SOX13: variants seen among roughly 807,000 people sequenced by gnomAD.
SOX13 encodes the protein SRY-box transcription factor 13.
A neutral mutation model predicts 71.8 loss-of-function variants in SOX13; 28 were observed. The ratio of observed to expected loss-of-function variants is 0.39; its 90% CI spans 0.29 to 0.53. SOX13 has a LOEUF of 0.53. Ranked by LOEUF, SOX13 falls within the 20% of genes least tolerant of loss-of-function variation. SOX13 has a pLI of 0.70. For synonymous variants in SOX13, 309 were observed against 317.8 expected, an observed-to-expected ratio of 0.97 and a Z score of 0.29; for missense variants, 627 against 810.3, an observed-to-expected ratio of 0.77 and a Z score of 2.75.
At chr1:204,113,229 G>C in intron 2 of SOX13, 95 bp downstream of exon 2, 2 of 1,021,528 alleles carry the variant, frequency 2.0e-6, no homozygotes, top group South Asian at 1.7e-5. Context: ...GATGGCAGCA[G>C]ATACAGGCAG....
chr1:204,124,939 C>A, intron 13 of SOX13, 82 bp downstream of exon 13: 2 of 1,052,174 alleles, frequency 1.9e-6, no homozygotes, highest in Admixed American at 2.0e-5. Context: ...CAGTGTGTGG[C>A]CTGCCTTTGT....
chr1:204,097,704 A>AAG (rs888895620), intron 1 of SOX13, among the ~76,000 whole-genome samples: 2 of 151,584 alleles, frequency 1.3e-5, no homozygotes, highest in African/African-American at 4.8e-5. Flanking sequence ...AAAAAAAAAA[A>AAG]AAAAGAAAAG....
chr1:204,097,175 T>C (rs12075866), intron 1 of SOX13, among the ~76,000 whole-genome samples: 41,577 of 151,704 alleles, frequency 0.27, 6,082 homozygotes, highest in African/African-American at 0.37. Context: ...GTTGGGAGGG[T>C]GGATGTCCCT....
At chr1:204,110,450 G>A (rs1554676) in intron 1 of SOX13, among the ~76,000 whole-genome samples, 47,095 of 151,506 alleles carry the variant, frequency 0.31, 8,786 homozygotes, top group South Asian at 0.46. Flanking sequence ...ACAGGCATGA[G>A]CCCCTGTGCC....
In SOX13 at chr1:204,116,517, G is replaced by A. The variant is rs1488251471; in HGVS notation, c.429G>A (p.Glu143=). The change falls in exon 5 of 14, where the codon GAG becomes GAA. Residue 143 remains glutamate (E), a synonymous_variant. Coordinates refer to ENST00000367204, the MANE Select transcript of SOX13 (RefSeq NM_005686.3). ...TTCACTGTGGAGCAGGGACCCAAGA[G>A]AGCCTAGCAGAGAAGGAGCTCCAGC... ...MEAKDVKGTQ[E]SLAEKELQLL... is the part of the protein sequence containing the mutation. 4 of 1,613,916 alleles carry A rather than the reference G, an allele frequency of 2.5e-6. No homozygotes were observed. The highest frequency in any genetic ancestry group is 3.4e-6 in the Non-Finnish European group (4 of 1,179,804).
At chr1:204,075,075 T>C (rs1040994726) in intron 1 of SOX13, among the ~76,000 whole-genome samples, 9 of 152,202 alleles carry the variant, frequency 5.9e-5, no homozygotes, top group African/African-American at 2.2e-4. Flanking sequence ...CCGGAGTTCA[T>C]GCCTTCCAAA....
At chr1:204,104,657 C>A (rs1656426940) in intron 1 of SOX13, among the ~76,000 whole-genome samples, 1 of 152,212 alleles carries the variant, frequency 6.6e-6, no homozygotes, top group South Asian at 2.1e-4. Context: ...CCACTCAGAG[C>A]AAGCTTGGGA....
chr1:204,080,655 A>T, intron 1 of SOX13, among the ~76,000 whole-genome samples: 1 of 151,928 alleles, frequency 6.6e-6, no homozygotes, highest in East Asian at 1.9e-4. Context: ...CCATCCCCCA[A>T]CAAAGGGGGT....
rs576299002 is a variant in SOX13, at chr1:204,115,476, T to G, written c.418+871T>G. On this transcript the variant is annotated intron_variant, in intron 4 of 13. Transcript: ENST00000367204. ...GGATCCATGAGTGATTCCGATGTTG[T>G]TTTTTTTTTTTTTTTTAAAAAAAAA... is the stretch of plus-strand genomic sequence containing the variant. Among the ~76,000 whole-genome samples, 303 of 40,950 alleles carry G rather than the reference T, an allele frequency of 7.4e-3. 1 individual carries two copies. The highest frequency in any genetic ancestry group is 0.071 in the South Asian group (58 of 818). The allele number at this position is 40,950 out of a possible 152,430, so 26.9% of individuals were successfully genotyped here.
intron 1 of SOX13, among the ~76,000 whole-genome samples, chr1:204,106,571 G>T (rs969146319): frequency 6.7e-6 from 1 of 149,512 alleles, no homozygotes; most frequent in African/African-American, 2.5e-5. Context: ...CCAGGCTGGA[G>T]TGCAGAGGCG....
intron 2 of SOX13, among the ~76,000 whole-genome samples, chr1:204,114,089 C>T (rs79448229): frequency 0.028 from 4,271 of 152,306 alleles, 85 homozygotes; most frequent in Non-Finnish European, 0.042. Context: ...GATCAAGCAT[C>T]GTGTGAGTCA....
At chr1:204,104,204 A>C (rs1656412685) in intron 1 of SOX13, among the ~76,000 whole-genome samples, 1 of 152,072 alleles carries the variant, frequency 6.6e-6, no homozygotes, top group South Asian at 2.1e-4. Flanking sequence ...TGGCCACTCT[A>C]CCAGGTGAAT....
chr1:204,081,486 G>A lies in SOX13; in HGVS notation c.-2+7775G>A, dbSNP rs541183430. Among the ~76,000 whole-genome samples the A allele has an allele frequency of 2.6e-5, 4 of 152,298 alleles. No homozygotes were observed. Among genetic ancestry groups the A allele is most frequent in the East Asian group, 1.9e-4 (1 of 5,154 alleles). The stretch of plus-strand genomic sequence containing the variant: ...TCAGACTGGGCTGATGCCCTTTCAC[G>A]ATGACAACTGAGTGGGCCCCACGGA... On this transcript the variant is annotated intron_variant, in intron 1 of 13. Transcript: ENST00000367204. The surrounding 1 kb of genome is among the most constrained non-coding windows in gnomAD (Gnocchi z 4.3).
At chr1:204,124,595 C>T (rs576020085) in intron 12 of SOX13, 46 bp from the exon 13 acceptor site, 171 of 1,528,376 alleles carry the variant, frequency 1.1e-4, no homozygotes, top group Non-Finnish European at 1.5e-4. Context: ...TGGGGGTGGT[C>T]AGCAGAGCCC....
In SOX13 at chr1:204,117,575, G is replaced by A. The variant is rs1217631815; in HGVS notation, c.661-18G>A. On this transcript the variant is annotated intron_variant, in intron 6 of 13. Coordinates refer to ENST00000367204, the MANE Select transcript of SOX13 (RefSeq NM_005686.3). ...CTTTGGGTCCCTGGGGACTCACACA[G>A]GGTTTCTTTGCCTTCAGCAGGTTAA... The A allele has an allele frequency of 6.4e-7, 1 of 1,555,384 alleles. No individual in the cohort carries two copies. The highest frequency in any genetic ancestry group is 1.7e-5 in the Admixed American group (1 of 57,844).
chr1:204,125,321 T>C (rs1656899023), intron 13 of SOX13, among the ~76,000 whole-genome samples: 1 of 152,112 alleles, frequency 6.6e-6, no homozygotes, highest in South Asian at 2.1e-4. Flanking sequence ...TGCCAACACT[T>C]TGGGAGGCTG....
chr1:204,104,963 GT>G (rs751045566), intron 1 of SOX13, among the ~76,000 whole-genome samples: 2 of 152,210 alleles, frequency 1.3e-5, no homozygotes, highest in Non-Finnish European at 2.9e-5. Flanking sequence ...CTGGTGATTT[GT>G]TTTGGGCAGA....
chr1:204,103,931 C>G (rs534812294), intron 1 of SOX13, among the ~76,000 whole-genome samples: 1 of 152,226 alleles, frequency 6.6e-6, no homozygotes, highest in African/African-American at 2.4e-5. Context: ...ATGGCGCTTT[C>G]AAGCAGTCCC....
chr1:204,086,296 C>CT (rs910778619), intron 1 of SOX13, among the ~76,000 whole-genome samples: 1 of 152,118 alleles, frequency 6.6e-6, no homozygotes, highest in African/African-American at 2.4e-5. Flanking sequence ...TAGCCTTCAA[C>CT]TTTTTAAAAA....
Sources: allele counts gnomAD v4.1 joint callset (sites outside exome capture counted in the v4.1 genomes callset), GRCh38; gene constraint gnomAD v4.1.1; non-coding constraint Gnocchi (gnomAD v3.1); transcripts MANE v1.5; gene names NCBI Gene and HGNC (gene_info 2026-07-23, HGNC 2026-07-21).